PCCB: variants seen among roughly 807,000 people sequenced by gnomAD.
The protein encoded by PCCB is propionyl-CoA carboxylase beta chain, mitochondrial.
A neutral mutation model predicts 60.7 loss-of-function variants in PCCB; 43 were observed. The observed-to-expected ratio is 0.71, with a 90% CI of 0.55 to 0.91. The LOEUF (loss-of-function observed/expected upper bound fraction) is 0.91, where lower values mean the gene tolerates loss of function less well. Among genes scored for constraint, PCCB ranks in the 40% least tolerant of loss-of-function variants. The pLI is 0.00. For missense variants in PCCB, 766 were observed against 702.8 expected, an observed-to-expected ratio of 1.09 and a Z score of -1.02; for synonymous variants, 276 against 255.9, an observed-to-expected ratio of 1.08 and a Z score of -0.75.
At chr3:136,288,733 G>T (rs544956920) in intron 6 of PCCB, among the ~76,000 whole-genome samples, 2 of 152,048 alleles carry the variant, frequency 1.3e-5, no homozygotes, top group Admixed American at 1.3e-4. Flanking sequence ...TCGACCTGCT[G>T]GGCTCAAGTG....
chr3:136,283,563 T>A (rs1380060731), intron 5 of PCCB, among the ~76,000 whole-genome samples: 1 of 152,164 alleles, frequency 6.6e-6, no homozygotes, highest in Non-Finnish European at 1.5e-5. Flanking sequence ...CTGTACCTCA[T>A]GCCCTTAGTG....
intron 9 of PCCB, among the ~76,000 whole-genome samples, chr3:136,308,261 T>C (rs1934520681): frequency 7.4e-6 from 1 of 135,388 alleles, no homozygotes; most frequent in African/African-American, 2.8e-5. Context: ...TGATATGGAG[T>C]CTCACTCTGT....
chr3:136,294,481 T>G (rs1933846393), intron 7 of PCCB, among the ~76,000 whole-genome samples: 2 of 151,908 alleles, frequency 1.3e-5, no homozygotes. Context: ...CCAGCAAATT[T>G]TTTTTTTTTT....
chr3:136,315,056 T>C (rs1934831510), intron 9 of PCCB, among the ~76,000 whole-genome samples: 1 of 152,160 alleles, frequency 6.6e-6, no homozygotes, highest in South Asian at 2.1e-4. Context: ...TTAACTGGTC[T>C]GTTGTCTTCA....
At chr3:136,320,467 G>A (rs865966025) in intron 10 of PCCB, among the ~76,000 whole-genome samples, 4 of 152,234 alleles carry the variant, frequency 2.6e-5, no homozygotes, top group African/African-American at 9.6e-5. Context: ...ACATGGAATT[G>A]CTTTCTCAAT....
intron 3 of PCCB, chr3:136,259,057 G>T (rs1261094612): frequency 8.8e-6 from 8 of 904,456 alleles, no homozygotes; most frequent in Non-Finnish European, 1.0e-5. Flanking sequence ...TTTTGAGGGG[G>T]TTTTAGGAGA....
rs572886420 is a variant in PCCB at position 136,304,810 on chromosome 3, A to G, written c.966+3699A>G. ...GGGTTCAAGTGATTCTCCTGCCTCA[A>G]CCTCCTGAATAGCTGTGATTTCAGG... On this transcript the variant is annotated intron_variant, in intron 9 of 14. Coordinates refer to ENST00000251654, the MANE Select transcript of PCCB (RefSeq NM_000532.5). Among the ~76,000 whole-genome samples, 11 of 115,964 alleles carry G rather than the reference A, an allele frequency of 9.5e-5. 3 individuals carry two copies. The South Asian group carries it at 1.4e-3, about 15-fold the overall frequency. 76.1% of individuals were successfully genotyped at this position (115,964 alleles called of 152,430 possible). A position where few individuals can be genotyped will look rare whatever the true frequency, so the allele number is the denominator to read the frequency against.
At chr3:136,274,486 A>G (rs977080840) in intron 5 of PCCB, among the ~76,000 whole-genome samples, 1 of 152,194 alleles carries the variant, frequency 6.6e-6, no homozygotes, top group African/African-American at 2.4e-5. Flanking sequence ...CTGCTGAGAA[A>G]TCTGCTGTTA....
At chr3:136,278,402 G>A (rs1466710125) in intron 5 of PCCB, among the ~76,000 whole-genome samples, 1 of 152,128 alleles carries the variant, frequency 6.6e-6, no homozygotes, top group Non-Finnish European at 1.5e-5. Context: ...CTTGGAAAAA[G>A]AGTCACCATG....
At chr3:136,289,443 T>C (rs1933572129) in intron 6 of PCCB, among the ~76,000 whole-genome samples, 1 of 152,248 alleles carries the variant, frequency 6.6e-6, no homozygotes, top group South Asian at 2.1e-4. Context: ...GAAATTAATA[T>C]AGCTACTCCT....
Position 136,251,046 on chromosome 3 carries a change from G to A in PCCB, c.183+488G>A, listed in dbSNP as rs563879975. On this transcript the variant is annotated intron_variant, in intron 1 of 14. Coordinates refer to ENST00000251654, the MANE Select transcript of PCCB (RefSeq NM_000532.5). Reference sequence around the variant, plus strand: ...CACTAACATGAAATGGGGGATGTGCGCGTGCAGGAACTTGTGGAACTTCTG... The same window carrying A: ...CACTAACATGAAATGGGGGATGTGCACGTGCAGGAACTTGTGGAACTTCTG... Among the ~76,000 whole-genome samples, 18 of 152,280 alleles carry A rather than the reference G, an allele frequency of 1.2e-4. 1 individual carries two copies. The South Asian group carries it at 3.7e-3, about 32-fold the overall frequency.
rs139890742 is a variant in PCCB at position 136,253,279 on chromosome 3, C to T, written c.184-2577C>T. On this transcript the variant is annotated intron_variant, in intron 1 of 14. Coordinates refer to ENST00000251654, the MANE Select transcript of PCCB (RefSeq NM_000532.5). Reference sequence around the variant, plus strand: ...TATAATTTTGGAGTTTTAGTATAGACGGGGTTTCACCATGTTAGCCAGGAT... The same window carrying T: ...TATAATTTTGGAGTTTTAGTATAGATGGGGTTTCACCATGTTAGCCAGGAT... 4.5e-3 allele frequency among the ~76,000 whole-genome samples: 686 copies of T among 151,684 alleles called. 7 individuals carry two copies. Among genetic ancestry groups the T allele is most frequent in the African/African-American group, 0.016 (665 of 41,338 alleles).
intron 10 of PCCB, 44 bp from the exon 11 acceptor site, chr3:136,326,759 G>T (rs1230681142): frequency 3.8e-6 from 5 of 1,299,010 alleles, no homozygotes; most frequent in Non-Finnish European, 5.6e-6. Flanking sequence ...GATAGAACTG[G>T]GAATTGCCTG....
At chr3:136,302,458 T>C (rs1934325768) in intron 9 of PCCB, among the ~76,000 whole-genome samples, 1 of 121,654 alleles carries the variant, frequency 8.2e-6, no homozygotes, top group African/African-American at 2.5e-5. Flanking sequence ...TGATAACTCT[T>C]GATTCTCATT....
At chr3:136,278,216 C>G (rs1942383076) in intron 5 of PCCB, among the ~76,000 whole-genome samples, 1 of 152,144 alleles carries the variant, frequency 6.6e-6, no homozygotes, top group Admixed American at 6.5e-5. Context: ...TTAAGGCCTT[C>G]CCCCATGGCC....
chr3:136,274,556 C>A (rs185635481), intron 5 of PCCB, among the ~76,000 whole-genome samples: 1 of 152,148 alleles, frequency 6.6e-6, no homozygotes, highest in Admixed American at 6.6e-5. Flanking sequence ...TCTTAGGATT[C>A]TTTCCTTCAT....
chr3:136,327,069 A>T, intron 11 of PCCB, 86 bp from the exon 12 acceptor site: 1 of 1,326,134 alleles, frequency 7.5e-7, no homozygotes, highest in Non-Finnish European at 1.1e-6. Flanking sequence ...GGCCCTCTCC[A>T]GAGGTGGGAA....
chr3:136,322,185 T>C (rs943970538), intron 10 of PCCB, among the ~76,000 whole-genome samples: 1 of 152,200 alleles, frequency 6.6e-6, no homozygotes, highest in Non-Finnish European at 1.5e-5. Context: ...GTATTTTGGA[T>C]TTTGTTACAT....
In PCCB at chr3:136,304,482, C is replaced by T. The variant is rs1434011759; in HGVS notation, c.966+3371C>T. 1.2e-4 allele frequency among the ~76,000 whole-genome samples: 14 copies of T among 113,570 alleles called. 2 individuals are homozygous for T. The highest frequency in any genetic ancestry group is 2.4e-4 in the African/African-American group (9 of 37,824). 74.5% of individuals were successfully genotyped at this position (113,570 alleles called of 152,430 possible). ...CTGCAAGCTCTGCCTCCCGGGTACACGCCATTCTCCTGCCTCAGCCACCCA... is the reference window on the plus strand; with the variant it reads ...CTGCAAGCTCTGCCTCCCGGGTACATGCCATTCTCCTGCCTCAGCCACCCA... On this transcript the variant is annotated intron_variant, in intron 9 of 14. Coordinates refer to ENST00000251654, the MANE Select transcript of PCCB (RefSeq NM_000532.5).
Sources: allele counts gnomAD v4.1 joint callset (sites outside exome capture counted in the v4.1 genomes callset), GRCh38; gene constraint gnomAD v4.1.1; transcripts MANE v1.5; gene names NCBI Gene and HGNC (gene_info 2026-07-23, HGNC 2026-07-21).